The following ATG2B variants were observed in gnomAD, a reference collection of about 807,000 sequenced individuals.
ATG2B encodes autophagy-related protein 2 homolog B.
A neutral mutation model predicts 241.3 loss-of-function variants in ATG2B; 121 were observed. The ratio of observed to expected loss-of-function variants is 0.50; its 90% CI spans 0.43 to 0.58. The LOEUF is 0.58. Among genes scored for constraint, ATG2B ranks in the 20% least tolerant of loss-of-function variants. ATG2B has a pLI of 0.00. For synonymous variants in ATG2B, 858 were observed against 876.6 expected, an observed-to-expected ratio of 0.98 and a Z score of 0.37; for missense variants, 2,306 against 2,491.6, an observed-to-expected ratio of 0.93 and a Z score of 1.59.
chr14:96,298,519 T>C (rs1290482130), intron 34 of ATG2B, among the ~76,000 whole-genome samples: 3 of 152,204 alleles, frequency 2.0e-5, no homozygotes, highest in African/African-American at 7.2e-5. Context: ...GCCAAAACCA[T>C]GGAACAACCT....
At chr14:96,330,543 C>T (rs1887705954) in intron 11 of ATG2B, among the ~76,000 whole-genome samples, 1 of 152,040 alleles carries the variant, frequency 6.6e-6, no homozygotes, top group East Asian at 1.9e-4. Flanking sequence ...GCAGGTGGAT[C>T]ACTGGAGGGC....
At chr14:96,299,818 T>C (rs1886741911) in intron 34 of ATG2B, among the ~76,000 whole-genome samples, 1 of 152,200 alleles carries the variant, frequency 6.6e-6, no homozygotes, top group South Asian at 2.1e-4. Context: ...CTTAACATGA[T>C]TCAATTAAGA....
In ATG2B at chr14:96,331,404, C is replaced by T. The variant is rs4321126; in HGVS notation, c.1702G>A (p.Ala568Thr). The change falls in exon 11 of 42, where the codon GCA becomes ACA. Residue 568 changes from alanine (A) to threonine (T), a missense_variant. Ala to Thr is a moderately conservative substitution (Grantham distance 58). Coordinates refer to ENST00000359933, the MANE Select transcript of ATG2B (RefSeq NM_018036.7). ...AGGTGATCGTGTGAGCAAGCTTCTG[C>T]AAACACTGCTCGGAAAGACTTAAAA... ...EDFKSFRAVF[A>T]EACSHDHLRF... is the part of the protein sequence containing the mutation. 6.2e-7 allele frequency: 1 copy of T among 1,613,752 alleles called. No homozygotes were observed. The highest frequency in any genetic ancestry group is 1.3e-5 in the African/African-American group (1 of 74,908).
intron 38 of ATG2B, 113 bp from the exon 39 acceptor site, chr14:96,291,048 T>A: frequency 1.2e-6 from 1 of 849,982 alleles, no homozygotes; most frequent in Non-Finnish European, 1.8e-6. Flanking sequence ...AGGGCAAATA[T>A]TACAGGTGCT....
At chr14:96,286,602 C>T (rs540737413) in intron 41 of ATG2B, among the ~76,000 whole-genome samples, 66 of 152,246 alleles carry the variant, frequency 4.3e-4, no homozygotes, top group Non-Finnish European at 6.0e-4. Context: ...GATTGCTAAG[C>T]TTTCTTTTTC....
intron 2 of ATG2B, 22 bp downstream of exon 2, chr14:96,347,157 C>T (rs1340052279): frequency 2.6e-6 from 4 of 1,511,494 alleles, no homozygotes; most frequent in African/African-American, 1.4e-5. Flanking sequence ...ACACATAAAA[C>T]AGAAACATAC....
chr14:96,337,006 G>A (rs1314153501), intron 6 of ATG2B, among the ~76,000 whole-genome samples: 3 of 152,098 alleles, frequency 2.0e-5, no homozygotes, highest in Non-Finnish European at 4.4e-5. Flanking sequence ...TCCAAGGAGG[G>A]ATTTCCGGAG....
In ATG2B at chr14:96,304,604, C is replaced by T; in HGVS notation, c.4734-1G>A. 7.4e-7 allele frequency: 1 copy of T among 1,354,858 alleles called. No individual in the cohort carries two copies. The highest frequency in any genetic ancestry group is 1.3e-5 in the South Asian group (1 of 74,148). 83.9% of individuals were successfully genotyped at this position (1,354,858 alleles called of 1,614,324 possible). A position where few individuals can be genotyped will look rare whatever the true frequency, so the allele number is the denominator to read the frequency against. Reference sequence around the variant, plus strand: ...GTGAGAAGGCGAACTGTGGGGACTACTAAAAATGAGCAAAAAAAAAAAAAA... The same window carrying T: ...GTGAGAAGGCGAACTGTGGGGACTATTAAAAATGAGCAAAAAAAAAAAAAA... On this transcript the variant is annotated splice_acceptor_variant, in intron 31 of 41. Transcript: ENST00000359933. LOFTEE classifies it high-confidence loss of function.
Position 96,322,748 on chromosome 14 carries a change from A to G in ATG2B, c.2541-13T>C. 1 of 1,606,354 alleles carries G rather than the reference A, an allele frequency of 6.2e-7. No individual in the cohort carries two copies. Among genetic ancestry groups the G allele is most frequent in the African/African-American group, 1.3e-5 (1 of 74,686 alleles). ...TTTCAGTACAATTCTGATAGCAAAGACAATTTTAAAAAGACCAAGATCTAA... is the reference window on the plus strand; with the variant it reads ...TTTCAGTACAATTCTGATAGCAAAGGCAATTTTAAAAAGACCAAGATCTAA... On this transcript the variant is annotated splice_polypyrimidine_tract_variant and intron_variant, in intron 16 of 41. Transcript: ENST00000359933.
intron 36 of ATG2B, among the ~76,000 whole-genome samples, chr14:96,292,349 C>G (rs1409413161): frequency 6.6e-6 from 1 of 151,990 alleles, no homozygotes; most frequent in Admixed American, 6.5e-5. Context: ...TTAGTTACGT[C>G]TATATAGTGT....
At position 96,332,327 on chromosome 14, in the gene ATG2B, G is replaced by A. The variant is rs1395233195; in HGVS notation, c.1446C>T (p.His482=). The A allele has an allele frequency of 3.7e-6, 6 of 1,613,426 alleles. No homozygotes were observed. The South Asian group carries it at 4.4e-5, about 12-fold the overall frequency. The change falls in exon 10 of 42, where the codon CAC becomes CAT. Residue 482 remains histidine, a synonymous_variant. Coordinates refer to ENST00000359933, the MANE Select transcript of ATG2B (RefSeq NM_018036.7). ...TACATGTCTTCTGTAAAGGTGTTGG[G>A]TGAACTAGGTTGGATGGAAATGTTG... ...RGSTFPSNLV[H]PTPLQKTSLP...
chr14:96,289,672 T>C lies in ATG2B; in HGVS notation c.5990A>G (p.Tyr1997Cys). Residue 1997 changes from tyrosine to cysteine, a missense_variant, in exon 41 of 42, where the codon TAC becomes TGC. Tyr to Cys is a radical substitution (Grantham distance 194, BLOSUM62 -2). Transcript: ENST00000359933. This position sits in a 1 kb window ranked among gnomAD's most constrained non-coding sequence, Gnocchi z 4.3. ...VDLREGVAKAYSVVKEGITDT... is the reference protein window; with the variant it reads ...VDLREGVAKACSVVKEGITDT... ...TTCAGTTACCTCTTTCACAACACTGTAGGCCTTGGCCACACCTTCCCTCAG... is the reference window on the plus strand; with the variant it reads ...TTCAGTTACCTCTTTCACAACACTGCAGGCCTTGGCCACACCTTCCCTCAG... 6.2e-7 allele frequency: 1 copy of C among 1,614,200 alleles called. No individual in the cohort carries two copies. The highest frequency in any genetic ancestry group is 8.5e-7 in the Non-Finnish European group (1 of 1,180,014).
chr14:96,300,948 A>T (rs1012008489), intron 34 of ATG2B, among the ~76,000 whole-genome samples: 2 of 152,204 alleles, frequency 1.3e-5, no homozygotes, highest in Non-Finnish European at 2.9e-5. Context: ...ACATTATTCA[A>T]CCAGTACTAT....
intron 37 of ATG2B, 56 bp downstream of exon 37, chr14:96,291,973 G>T: frequency 3.4e-6 from 4 of 1,186,834 alleles, no homozygotes; most frequent in Non-Finnish European, 4.8e-6. Flanking sequence ...ATAAAAACGA[G>T]CTCATTAGAG....
At chr14:96,295,195 A>C in intron 35 of ATG2B, 28 bp from the exon 36 acceptor site, 1 of 1,551,650 alleles carries the variant, frequency 6.4e-7, no homozygotes, top group Non-Finnish European at 8.9e-7. Flanking sequence ...ATGTTTGAAA[A>C]ATTAGATATG....
Position 96,286,056 on chromosome 14 carries a change from T to C in ATG2B, c.6007-71A>G, listed in dbSNP as rs1044743635. On this transcript the variant is annotated intron_variant, in intron 41 of 41. Transcript: ENST00000359933. The stretch of plus-strand genomic sequence containing the variant: ...TCTGGTCGGAAAACTCTCTAAGCTA[T>C]CCTGCAGTACACACTTTTAAAGCAG... 5.8e-6 allele frequency: 7 copies of C among 1,200,908 alleles called. No homozygotes were observed. The African/African-American group carries it at 9.0e-5, about 15-fold the overall frequency. The allele number at this position is 1,200,908 out of a possible 1,614,324, so 74.4% of individuals were successfully genotyped here.
intron 1 of ATG2B, among the ~76,000 whole-genome samples, chr14:96,358,198 G>A (rs578127846): frequency 6.6e-6 from 1 of 152,176 alleles, no homozygotes; most frequent in African/African-American, 2.4e-5. Context: ...AACTGGGGGG[G>A]GCTGAGGTGG....
intron 1 of ATG2B, among the ~76,000 whole-genome samples, chr14:96,360,247 A>G (rs1888587858): frequency 6.6e-6 from 1 of 152,270 alleles, no homozygotes; most frequent in South Asian, 2.1e-4. Context: ...AATGACTATC[A>G]GTAGTACATG....
chr14:96,324,254 G>A, intron 15 of ATG2B: 1 of 383,122 alleles, frequency 2.6e-6, no homozygotes, highest in Middle Eastern at 7.2e-4. Flanking sequence ...AGTAAATAGA[G>A]CAAGCACTTA....
Sources: gnomAD v4.1 joint callset for allele counts (sites outside exome capture counted in the v4.1 genomes callset) on GRCh38, gnomAD v4.1.1 for gene constraint, Gnocchi (gnomAD v3.1) non-coding constraint, MANE v1.5 for transcripts, NCBI Gene and HGNC (gene_info 2026-07-23, HGNC 2026-07-21) for gene names.